MAGI2: variants seen among roughly 807,000 people sequenced by gnomAD.
MAGI2 encodes membrane associated guanylate kinase, WW and PDZ domain containing 2.
A neutral mutation model predicts 133.3 loss-of-function variants in MAGI2; 35 were observed. The ratio of observed to expected loss-of-function variants is 0.26; its 90% CI spans 0.20 to 0.35. MAGI2 has a LOEUF of 0.35. MAGI2 is among the 10% of genes least tolerant of loss of function. The pLI is 1.00. For missense variants in MAGI2, 1,636 were observed against 1,863.4 expected (o/e 0.88, Z 2.25); for synonymous variants, 729 against 710.6 (o/e 1.03, Z -0.41).
intron 1 of MAGI2, among the ~76,000 whole-genome samples, chr7:79,339,443 G>A (rs113235068): frequency 0.049 from 7,033 of 142,630 alleles, 270 homozygotes; most frequent in African/African-American, 0.11. Flanking sequence ...GGTAGTTACA[G>A]GTTTGTTTGT....
At chr7:79,398,926 G>A (rs1845251136) in intron 1 of MAGI2, among the ~76,000 whole-genome samples, 1 of 152,118 alleles carries the variant, frequency 6.6e-6, no homozygotes, top group South Asian at 2.1e-4. Context: ...TTAGGGCTCA[G>A]ATCAAATTTC....
At chr7:79,038,339 A>AT (rs549889968) in intron 1 of MAGI2, among the ~76,000 whole-genome samples, 7 of 151,954 alleles carry the variant, frequency 4.6e-5, no homozygotes, top group East Asian at 1.9e-4. Flanking sequence ...TAATTCATGT[A>AT]TTTTTTTATT....
intron 1 of MAGI2, among the ~76,000 whole-genome samples, chr7:79,216,325 A>G (rs1049329316): frequency 7.3e-5 from 11 of 151,644 alleles, no homozygotes; most frequent in African/African-American, 1.7e-4. Context: ...CCACCACTCA[A>G]TCAAACCCCT....
chr7:78,704,933 G>T (rs1437723569), intron 2 of MAGI2, among the ~76,000 whole-genome samples: 1 of 151,922 alleles, frequency 6.6e-6, no homozygotes, highest in Non-Finnish European at 1.5e-5. Context: ...GTTCTCACTT[G>T]TAAGGGGGAG....
rs188196536 is a variant in MAGI2 at position 78,644,057 on chromosome 7, G to C, written c.419-16818C>G. 4.6e-3 allele frequency among the ~76,000 whole-genome samples: 694 copies of C among 152,082 alleles called. 5 individuals are homozygous for C. The highest frequency in any genetic ancestry group is 0.01 in the Middle Eastern group (3 of 294). On this transcript the variant is annotated intron_variant, in intron 2 of 21. Coordinates refer to ENST00000354212, the MANE Select transcript of MAGI2 (RefSeq NM_012301.4). Reference sequence around the variant, plus strand: ...ATAATATCAGAAAAAGTAGATTTTAGAGCAAAGAACATTAACAGTGATAAA... The same window carrying C: ...ATAATATCAGAAAAAGTAGATTTTACAGCAAAGAACATTAACAGTGATAAA...
At chr7:79,214,110 C>T (rs865823357) in intron 1 of MAGI2, among the ~76,000 whole-genome samples, 2 of 151,562 alleles carry the variant, frequency 1.3e-5, no homozygotes, top group South Asian at 2.1e-4. Context: ...ATAATGTAAA[C>T]GTTTTATGAA....
chr7:78,048,836 C>A (rs943192886), intron 21 of MAGI2, among the ~76,000 whole-genome samples: 1 of 152,152 alleles, frequency 6.6e-6, no homozygotes, highest in African/African-American at 2.4e-5. Flanking sequence ...TGGCTGTGTG[C>A]GGCGGCTCAT....
intron 14 of MAGI2, among the ~76,000 whole-genome samples, chr7:78,175,900 T>A (rs1826549433): frequency 6.6e-6 from 1 of 152,074 alleles, no homozygotes; most frequent in South Asian, 2.1e-4. Flanking sequence ...ACATGAACAA[T>A]CCTGAAGGAA....
At chr7:79,310,510 G>A (rs1838200414) in intron 1 of MAGI2, among the ~76,000 whole-genome samples, 4 of 152,236 alleles carry the variant, frequency 2.6e-5, no homozygotes, top group Admixed American at 1.3e-4. Flanking sequence ...AATTTCTGAT[G>A]TATTTAATTT....
chr7:79,434,308 T>C (rs551994185), intron 1 of MAGI2, among the ~76,000 whole-genome samples: 3 of 152,302 alleles, frequency 2.0e-5, no homozygotes, highest in East Asian at 3.9e-4. Flanking sequence ...ACAGAGCTCA[T>C]ACTCTTTTGA....
intron 2 of MAGI2, among the ~76,000 whole-genome samples, chr7:78,656,526 G>T (rs567016463): frequency 1.3e-5 from 2 of 152,124 alleles, no homozygotes; most frequent in African/African-American, 2.4e-5. Context: ...CTCTACCAGG[G>T]GCAGGGTACT....
intron 2 of MAGI2, among the ~76,000 whole-genome samples, chr7:78,889,172 T>C (rs1796525918): frequency 6.6e-6 from 1 of 151,342 alleles, no homozygotes; most frequent in Non-Finnish European, 1.5e-5. Context: ...GAAGAGAAGT[T>C]TAGAGAAAAA....
intron 10 of MAGI2, among the ~76,000 whole-genome samples, chr7:78,229,213 C>T (rs1006249095): frequency 6.6e-6 from 1 of 152,232 alleles, no homozygotes; most frequent in African/African-American, 2.4e-5. Flanking sequence ...TTGAGCACAG[C>T]TTTTGCACCA....
intron 1 of MAGI2, among the ~76,000 whole-genome samples, chr7:79,362,113 C>T (rs116948242): frequency 0.021 from 3,105 of 150,580 alleles, 52 homozygotes; most frequent in Middle Eastern, 0.051. Context: ...TATGAAAAAT[C>T]AATAAAACAC....
Position 79,209,768 on chromosome 7 carries a change from G to A in MAGI2, c.302-202562C>T, listed in dbSNP as rs1475552821. On this transcript the variant is annotated intron_variant, in intron 1 of 21. Transcript: ENST00000354212. ...GAAAGTACATTGTGCATATTATTTTGTGTGTCACTCTAAAAATAATAATTT... is the reference window on the plus strand; with the variant it reads ...GAAAGTACATTGTGCATATTATTTTATGTGTCACTCTAAAAATAATAATTT... 7.2e-5 allele frequency among the ~76,000 whole-genome samples: 11 copies of A among 151,874 alleles called. 1 individual carries two copies. Among genetic ancestry groups the A allele is most frequent in the African/African-American group, 1.7e-4 (7 of 41,250 alleles).
intron 1 of MAGI2, chr7:79,413,377 G>A (rs1321142406): frequency 6.6e-6 from 1 of 152,076 alleles, no homozygotes; most frequent in Non-Finnish European, 1.5e-5. Context: ...TCATATAAAA[G>A]TGGCAGGAAT....
chr7:78,676,325 A>G (rs1815018339), intron 2 of MAGI2, among the ~76,000 whole-genome samples: 1 of 152,154 alleles, frequency 6.6e-6, no homozygotes, highest in South Asian at 2.1e-4. Context: ...TGCTCAAGAC[A>G]AGAACAAGTA....
chr7:78,292,911 T>A (rs1306273942), intron 9 of MAGI2, among the ~76,000 whole-genome samples: 1 of 152,194 alleles, frequency 6.6e-6, no homozygotes, highest in Non-Finnish European at 1.5e-5. Flanking sequence ...ACCCCTTCCT[T>A]ACATCTTATA....
intron 3 of MAGI2, among the ~76,000 whole-genome samples, chr7:78,535,927 GAC>G (rs1797859364): frequency 6.9e-6 from 1 of 145,480 alleles, no homozygotes; most frequent in East Asian, 2.0e-4. Context: ...AGCACAAGAG[GAC>G]AGCTTCAACT....
Sources: gnomAD v4.1 joint callset for allele counts (sites outside exome capture counted in the v4.1 genomes callset) on GRCh38, gnomAD v4.1.1 for gene constraint, MANE v1.5 for transcripts, NCBI Gene and HGNC (gene_info 2026-07-23, HGNC 2026-07-21) for gene names.